Variants in GLYR1 observed in about 807,000 individuals in gnomAD.
The protein encoded by GLYR1 is cytokine-like nuclear factor N-PAC.
Under a neutral mutation model 72.7 loss-of-function variants are expected in GLYR1, and 21 were observed. That is an observed-to-expected ratio of 0.29 (90% CI 0.20 to 0.42). The LOEUF is 0.42. GLYR1 is among the 10% of genes least tolerant of loss of function. The pLI, the probability that GLYR1 is intolerant of heterozygous loss-of-function variation, is 1.00. For synonymous variants in GLYR1, 392 were observed against 270.2 expected, an observed-to-expected ratio of 1.45 and a Z score of -4.42; for missense variants, 594 against 712.1, an observed-to-expected ratio of 0.83 and a Z score of 1.89.
At chr16:4,808,844 T>C (rs894273374) in intron 15 of GLYR1, among the ~76,000 whole-genome samples, 6 of 152,088 alleles carry the variant, frequency 3.9e-5, no homozygotes, top group African/African-American at 1.2e-4. Context: ...TGCACGCCTA[T>C]AGTCCCAGCT....
intron 3 of GLYR1, among the ~76,000 whole-genome samples, chr16:4,844,332 T>C (rs1471765751): frequency 1.3e-5 from 2 of 151,874 alleles, no homozygotes; most frequent in African/African-American, 2.4e-5. Flanking sequence ...ACTATAACAA[T>C]GTCAAAGCAA....
chr16:4,814,678 G>T, intron 10 of GLYR1, 31 bp from the exon 11 acceptor site: 1 of 1,503,104 alleles, frequency 6.7e-7, no homozygotes, highest in Non-Finnish European at 9.2e-7. Context: ...AACGTGAGCT[G>T]CAGGCAGTGC....
chr16:4,838,675 C>A (rs1030757495), intron 3 of GLYR1, among the ~76,000 whole-genome samples: 9 of 152,038 alleles, frequency 5.9e-5, no homozygotes, highest in African/African-American at 2.2e-4. Context: ...CAAGCTCTGC[C>A]TCTGGGGTTC....
chr16:4,821,805 C>G (rs186885525), intron 7 of GLYR1: 1 of 617,358 alleles, frequency 1.6e-6, no homozygotes, highest in African/African-American at 1.8e-5. Flanking sequence ...TTTTTGCTGA[C>G]CATGGTGTTG....
chr16:4,814,437 A>G, intron 11 of GLYR1, 100 bp downstream of exon 11: 1 of 869,598 alleles, frequency 1.1e-6, no homozygotes, highest in Non-Finnish European at 2.0e-6. Context: ...AGCCCCCCAC[A>G]TGTGGACACT....
chr16:4,832,445 T>G, intron 4 of GLYR1: 1 of 615,096 alleles, frequency 1.6e-6, no homozygotes, highest in Non-Finnish European at 2.8e-6. Context: ...AAGAAAGGAT[T>G]TAAATCTAGG....
chr16:4,829,692 A>C (rs2084661858), intron 5 of GLYR1, among the ~76,000 whole-genome samples: 1 of 151,076 alleles, frequency 6.6e-6, no homozygotes. Context: ...TTTTTCTTTG[A>C]GACGGAGTCT....
intron 3 of GLYR1, among the ~76,000 whole-genome samples, chr16:4,833,893 A>G (rs2084953703): frequency 6.6e-6 from 1 of 152,228 alleles, no homozygotes; most frequent in Non-Finnish European, 1.5e-5. Flanking sequence ...TAGGCTTTAC[A>G]AGGTATCAGT....
chr16:4,808,198 T>G (rs1405520460), intron 15 of GLYR1, among the ~76,000 whole-genome samples: 3 of 139,198 alleles, frequency 2.2e-5, no homozygotes, highest in Non-Finnish European at 4.5e-5. Flanking sequence ...ATCATGTCAC[T>G]GCACTCCAGC....
chr16:4,827,183 T>C (rs1475032986), intron 5 of GLYR1, among the ~76,000 whole-genome samples: 1 of 152,262 alleles, frequency 6.6e-6, no homozygotes, highest in East Asian at 1.9e-4. Flanking sequence ...TGTCCCGGAA[T>C]GGCACTCAGC....
intron 5 of GLYR1, among the ~76,000 whole-genome samples, chr16:4,827,267 T>G (rs2084441123): frequency 6.6e-6 from 1 of 152,184 alleles, no homozygotes; most frequent in Non-Finnish European, 1.5e-5. Flanking sequence ...AAATGACAAT[T>G]ACTATAGCAA....
At chr16:4,825,836 T>G (rs553557265) in intron 5 of GLYR1, among the ~76,000 whole-genome samples, 1 of 152,152 alleles carries the variant, frequency 6.6e-6, no homozygotes, top group Admixed American at 6.5e-5. Context: ...GTATTTTTAG[T>G]AGAGACGGGG....
chr16:4,847,248 C>T lies in GLYR1; in HGVS notation c.18G>A (p.Leu6=). 3 of 1,610,026 alleles carry T rather than the reference C, an allele frequency of 1.9e-6. No homozygotes were observed. Among genetic ancestry groups the T allele is most frequent in the Middle Eastern group, 1.7e-4 (1 of 6,032 alleles). ...CTCACCACACCAAGTCGCCGAGCCG[C>T]AGACTCACAGCCGCCATCTTACCAC... is the stretch of plus-strand genomic sequence containing the variant. MAAVS[L]RLGDLVWGKL... Residue 6 remains leucine (L), a synonymous_variant, in exon 1 of 16, where the codon CTG becomes CTA. Transcript: ENST00000321919.
chr16:4,807,170 G>A (rs1298636457), intron 15 of GLYR1, among the ~76,000 whole-genome samples: 3 of 146,584 alleles, frequency 2.0e-5, no homozygotes, highest in Admixed American at 6.9e-5. Flanking sequence ...GGAGTGCAAT[G>A]GCACGATCTC....
rs765582503 is a variant in GLYR1, at chr16:4,805,260, G to C, written c.1638C>G (p.Ala546=). 1 of 1,614,056 alleles carries C rather than the reference G, an allele frequency of 6.2e-7. No homozygotes were observed. Among genetic ancestry groups the C allele is most frequent in the South Asian group, 1.1e-5 (1 of 91,032 alleles). ...ALDQSDNDMS[A]VYRAYIH ...CTTAGTGTATGTAGGCTCGGTACAC[G>C]GCGGACATATCGTTGTCAGACTGGT... is the stretch of plus-strand genomic sequence containing the variant. The change falls in exon 16 of 16, where the codon GCC becomes GCG. Residue 546 remains alanine, a synonymous_variant. Transcript: ENST00000321919.
intron 3 of GLYR1, among the ~76,000 whole-genome samples, chr16:4,837,667 C>A (rs1567794335): frequency 6.6e-6 from 1 of 151,844 alleles, no homozygotes; most frequent in Non-Finnish European, 1.5e-5. Flanking sequence ...AAGGTGAGAA[C>A]AAGCCGGCAC....
chr16:4,821,298 T>TTA, intron 9 of GLYR1, 82 bp downstream of exon 9: 1 of 1,436,380 alleles, frequency 7.0e-7, no homozygotes. Context: ...GACACAACCC[T>TTA]TAAAGAACCC....
chr16:4,831,872 T>C (rs1254823857), intron 5 of GLYR1, 107 bp downstream of exon 5: 8 of 1,448,088 alleles, frequency 5.5e-6, no homozygotes, highest in African/African-American at 1.4e-5. Flanking sequence ...TCCCACTCCA[T>C]GAGCAGAGTA....
chr16:4,811,020 G>C (rs2083295662), intron 15 of GLYR1, 150 bp downstream of exon 15: 1 of 930,552 alleles, frequency 1.1e-6, no homozygotes, highest in Non-Finnish European at 1.5e-6. Context: ...CAGGAGAATT[G>C]CTTGAAACCA....
Sources: gnomAD v4.1 joint callset for allele counts (sites outside exome capture counted in the v4.1 genomes callset) on GRCh38, gnomAD v4.1.1 for gene constraint, MANE v1.5 for transcripts, NCBI Gene and HGNC (gene_info 2026-07-23, HGNC 2026-07-21) for gene names.